ITGA9: variants seen among roughly 807,000 people sequenced by gnomAD.
The protein encoded by ITGA9 is integrin subunit alpha 9.
In ITGA9, 56 loss-of-function variants were observed where a neutral mutation model predicts 127.8. The observed-to-expected ratio is 0.44, with a 90% CI of 0.35 to 0.55. ITGA9 has a LOEUF of 0.55. ITGA9 is among the 20% of genes least tolerant of loss of function. The pLI, the probability that ITGA9 is intolerant of heterozygous loss-of-function variation, is 0.00. For missense variants in ITGA9, 1,196 were observed against 1,347.1 expected (o/e 0.89, Z 1.76); for synonymous variants, 508 against 514.5 (o/e 0.99, Z 0.17).
At chr3:37,710,046 G>A (rs769348601) in intron 18 of ITGA9, among the ~76,000 whole-genome samples, 4 of 152,200 alleles carry the variant, frequency 2.6e-5, no homozygotes, top group Non-Finnish European at 2.9e-5. Context: ...ACCAAGTTGA[G>A]TGTTGTATTT....
intron 17 of ITGA9, among the ~76,000 whole-genome samples, chr3:37,665,465 T>C (rs1298170716): frequency 6.6e-6 from 1 of 152,086 alleles, no homozygotes; most frequent in Non-Finnish European, 1.5e-5. Flanking sequence ...CTTCTTTTTT[T>C]TTCCGAAAAA....
chr3:37,492,501 A>G (rs2125564484), intron 4 of ITGA9, among the ~76,000 whole-genome samples: 1 of 152,302 alleles, frequency 6.6e-6, no homozygotes, highest in South Asian at 2.1e-4. Flanking sequence ...CACCTCGGAA[A>G]CCCGAGGTCC....
At chr3:37,803,754 A>G (rs554603777) in intron 26 of ITGA9, 69 bp from the exon 27 acceptor site, 1 of 1,586,592 alleles carries the variant, frequency 6.3e-7, no homozygotes, top group African/African-American at 1.3e-5. Context: ...AGCCTGGGTG[A>G]CAGAACAAGA....
intron 27 of ITGA9, among the ~76,000 whole-genome samples, chr3:37,816,711 G>C (rs1376250546): frequency 6.6e-6 from 1 of 152,144 alleles, no homozygotes; most frequent in Non-Finnish European, 1.5e-5. Context: ...TATATGTGTG[G>C]GGGCGTCAGA....
intron 5 of ITGA9, among the ~76,000 whole-genome samples, chr3:37,502,883 T>C (rs1698801507): frequency 6.6e-6 from 1 of 152,214 alleles, no homozygotes; most frequent in Non-Finnish European, 1.5e-5. Context: ...TAGAGCCTGA[T>C]GTAAAGTTGA....
chr3:37,641,817 C>T (rs528932200), intron 16 of ITGA9, among the ~76,000 whole-genome samples: 1 of 152,324 alleles, frequency 6.6e-6, no homozygotes, highest in East Asian at 1.9e-4. Flanking sequence ...TATGCTGATA[C>T]CTCATCTAGA....
intron 17 of ITGA9, among the ~76,000 whole-genome samples, chr3:37,678,410 G>A (rs369735826): frequency 6.6e-6 from 1 of 152,052 alleles, no homozygotes; most frequent in Non-Finnish European, 1.5e-5. Context: ...AGTAACAGAT[G>A]GATAAACAAC....
intron 15 of ITGA9, among the ~76,000 whole-genome samples, chr3:37,595,641 T>G (rs1012222084): frequency 2.0e-5 from 3 of 152,234 alleles, no homozygotes; most frequent in African/African-American, 7.2e-5. Context: ...TTCCTCCATG[T>G]TCCAACAACT....
rs1699283934 is a variant in ITGA9, at chr3:37,542,471, C to A, written c.1575C>A (p.Gly525=). ...LMADVAKKEK[G]QMPRVYFVLL... ...CTGACGTGGCCAAAAAGGAGAAGGG[C>A]CAGATGCCCAGGGTCTACTTTGTGC... Residue 525 remains glycine, a synonymous_variant, in exon 15 of 28, where the codon GGC becomes GGA. Coordinates refer to ENST00000264741, the MANE Select transcript of ITGA9 (RefSeq NM_002207.3). 1 of 1,613,918 alleles carries A rather than the reference C, an allele frequency of 6.2e-7. No homozygotes were observed. The highest frequency in any genetic ancestry group is 8.5e-7 in the Non-Finnish European group (1 of 1,180,000).
chr3:37,751,033 A>G (rs1400764333), intron 23 of ITGA9, among the ~76,000 whole-genome samples: 1 of 152,242 alleles, frequency 6.6e-6, no homozygotes. Flanking sequence ...CAAGGCCCAT[A>G]TGGAGCAGGT....
chr3:37,622,964 G>A (rs1047535280), intron 15 of ITGA9, among the ~76,000 whole-genome samples: 6 of 152,048 alleles, frequency 3.9e-5, no homozygotes, highest in Admixed American at 3.3e-4. Context: ...GTTATACCTT[G>A]CACTGTGTCC....
At chr3:37,476,630 T>C (rs976575898) in intron 3 of ITGA9, among the ~76,000 whole-genome samples, 1 of 152,210 alleles carries the variant, frequency 6.6e-6, no homozygotes, top group African/African-American at 2.4e-5. Flanking sequence ...CCTCTGCCCC[T>C]GCCCCACTCT....
At chr3:37,758,095 G>A (rs575041143) in intron 23 of ITGA9, among the ~76,000 whole-genome samples, 18 of 150,498 alleles carry the variant, frequency 1.2e-4, no homozygotes, top group South Asian at 8.4e-4. Flanking sequence ...AGGCCGAGGC[G>A]GGTGGATCAT....
chr3:37,705,625 G>A (rs201494343), intron 18 of ITGA9, among the ~76,000 whole-genome samples: 6 of 152,286 alleles, frequency 3.9e-5, no homozygotes, highest in South Asian at 2.1e-4. Context: ...CGTGTATTCC[G>A]TGAAATGCTC....
chr3:37,499,540 C>T lies in ITGA9; in HGVS notation c.613-3638C>T, dbSNP rs991562635. ...GTGTGTGACATTGACACTGGCTGTT[C>T]CTGCATGGTGGGGAGCTAAGTATTA... On this transcript the variant is annotated intron_variant, in intron 5 of 27. Transcript: ENST00000264741. Among the ~76,000 whole-genome samples, 26 of 152,270 alleles carry T rather than the reference C, an allele frequency of 1.7e-4. No individual in the cohort carries two copies. The Middle Eastern group carries it at 0.01, about 60-fold the overall frequency.
chr3:37,782,086 A>G (rs1286249258), intron 25 of ITGA9, among the ~76,000 whole-genome samples: 1 of 152,186 alleles, frequency 6.6e-6, no homozygotes, highest in East Asian at 1.9e-4. Flanking sequence ...GAGGCTGGAA[A>G]ACCCCACGTC....
chr3:37,503,438 A>G, intron 6 of ITGA9, 131 bp downstream of exon 6: 5 of 1,008,116 alleles, frequency 5.0e-6, no homozygotes, highest in Non-Finnish European at 7.5e-6. Flanking sequence ...AATGACTTAC[A>G]TCTTTAGCCA....
At chr3:37,699,057 C>T (rs1018339931) in intron 18 of ITGA9, among the ~76,000 whole-genome samples, 12 of 152,322 alleles carry the variant, frequency 7.9e-5, no homozygotes, top group African/African-American at 2.6e-4. Context: ...TCTTCTCACT[C>T]GCCACTCCTT....
chr3:37,481,180 A>G (rs915108096), intron 3 of ITGA9, among the ~76,000 whole-genome samples: 1 of 152,002 alleles, frequency 6.6e-6, no homozygotes, highest in Non-Finnish European at 1.5e-5. Flanking sequence ...GGTGGAAACT[A>G]TCCTTCCCAC....
Sources: allele counts gnomAD v4.1 joint callset (sites outside exome capture counted in the v4.1 genomes callset), GRCh38; gene constraint gnomAD v4.1.1; transcripts MANE v1.5; gene names NCBI Gene and HGNC (gene_info 2026-07-23, HGNC 2026-07-21).